The following FAM53A variants were observed in gnomAD, a reference collection of about 807,000 sequenced individuals.
FAM53A encodes the protein protein FAM53A.
In FAM53A, 28 loss-of-function variants were observed where a neutral mutation model predicts 26.6. That is an observed-to-expected ratio of 1.05 (90% CI 0.78 to 1.45). FAM53A has a LOEUF of 1.45. Ranked by LOEUF, FAM53A falls within the 40% of genes most tolerant of loss-of-function variation. The pLI is 0.00. For synonymous variants in FAM53A, 290 were observed against 253.1 expected, an observed-to-expected ratio of 1.15 and a Z score of -1.38; for missense variants, 650 against 575.8, an observed-to-expected ratio of 1.13 and a Z score of -1.32.
At chr4:1,590,993 T>TATAC in the FAM53A span, among the ~76,000 whole-genome samples, 1 of 132,670 alleles carries the variant, frequency 7.5e-6, no homozygotes, top group African/African-American at 3.0e-5. Flanking sequence ...TATATATATA[T>TATAC]ATATATATAA....
chr4:1,621,101 C>CTTTTTTTTTTTT lies in FAM53A; in HGVS notation c.432-3002_432-2991dup, dbSNP rs574102929. On this transcript the variant is annotated intron_variant, in intron 1 of 1. Transcript: ENST00000489029. ...TTTCCTAGCTGAGTCAGCTACGCTACTTTTTTTTTTTTTTTTTTTTTGAGA... is the reference window on the plus strand; with the variant it reads ...TTTCCTAGCTGAGTCAGCTACGCTACTTTTTTTTTTTTTTTTTTTTTTTTTTTTTTTTTGAGA... Among the ~76,000 whole-genome samples, 730 of 95,442 alleles carry CTTTTTTTTTTTT rather than the reference C, an allele frequency of 7.6e-3. 59 individuals carry two copies. The highest frequency in any genetic ancestry group is 0.014 in the East Asian group (44 of 3,154). The allele number at this position is 95,442 out of a possible 152,430, so 62.6% of individuals were successfully genotyped here.
intron 2 of FAM53A, 45 bp downstream of exon 2, chr4:1,668,622 C>A: frequency 1.2e-6 from 2 of 1,609,842 alleles, no homozygotes; most frequent in Non-Finnish European, 1.7e-6. Context: ...CCTGTGACAG[C>A]ACGGGGGAGG....
At chr4:1,595,932 G>T in the FAM53A span, among the ~76,000 whole-genome samples, 1 of 152,224 alleles carries the variant, frequency 6.6e-6, no homozygotes, top group East Asian at 1.9e-4. Context: ...CACAGGACCG[G>T]GTGTGACCCC....
At chr4:1,623,737 C>A (rs934167172) in intron 1 of FAM53A, among the ~76,000 whole-genome samples, 2 of 152,250 alleles carry the variant, frequency 1.3e-5, no homozygotes, top group South Asian at 2.1e-4. Context: ...CGCCGCGGAT[C>A]GGACGTTACC....
intron 2 of FAM53A, among the ~76,000 whole-genome samples, chr4:1,658,406 G>A (rs1026905716): frequency 1.3e-5 from 2 of 152,256 alleles, no homozygotes; most frequent in East Asian, 1.9e-4. Flanking sequence ...AGCCTCAGCT[G>A]CAGCCGTCTT....
intron 1 of FAM53A, among the ~76,000 whole-genome samples, chr4:1,675,943 C>T (rs1466779785): frequency 6.6e-6 from 1 of 152,238 alleles, no homozygotes; most frequent in Non-Finnish European, 1.5e-5. Flanking sequence ...CTCAGATGGC[C>T]GCCTCACGGG....
downstream of FAM53A, among the ~76,000 whole-genome samples, chr4:1,615,179 G>C (rs60724026): frequency 7.4e-6 from 1 of 135,404 alleles, no homozygotes; most frequent in Non-Finnish European, 1.6e-5. Context: ...ATGCGGCTAC[G>C]CCCACCCTAC....
At chr4:1,617,934 C>T in exon 2 of FAM53A, 1 of 419,286 alleles carries the variant, frequency 2.4e-6, no homozygotes. Flanking sequence ...GCAGCAACTC[C>T]TTCACCAAGA....
downstream of FAM53A, among the ~76,000 whole-genome samples, chr4:1,635,600 T>C (rs763218545): frequency 6.6e-6 from 1 of 152,114 alleles, no homozygotes; most frequent in African/African-American, 2.4e-5. Context: ...TTTCTTCTAA[T>C]ACAGTCACTG....
At chr4:1,672,670 C>T (rs892813103) in intron 1 of FAM53A, among the ~76,000 whole-genome samples, 1 of 151,730 alleles carries the variant, frequency 6.6e-6, no homozygotes, top group African/African-American at 2.4e-5. Context: ...CAGGTTTGCC[C>T]GGAAGGCACC....
At chr4:1,625,757 GCC>G (rs1560111702) in intron 1 of FAM53A, among the ~76,000 whole-genome samples, 1 of 115,598 alleles carries the variant, frequency 8.7e-6, no homozygotes, top group African/African-American at 3.7e-5. Flanking sequence ...CCACGTCCCG[GCC>G]CACATGGTCA....
chr4:1,652,951 CCA>C (rs890301090), intron 4 of FAM53A, among the ~76,000 whole-genome samples: 3 of 150,248 alleles, frequency 2.0e-5, no homozygotes, highest in African/African-American at 2.5e-5. Flanking sequence ...CACACACATA[CCA>C]CACAGACCAC....
chr4:1,575,239 C>T, the FAM53A span, among the ~76,000 whole-genome samples: 2 of 152,218 alleles, frequency 1.3e-5, no homozygotes, highest in Non-Finnish European at 2.9e-5. Context: ...CAGGAGAAAG[C>T]GCAGCCACAG....
At chr4:1,592,807 G>A in the FAM53A span, among the ~76,000 whole-genome samples, 1 of 152,124 alleles carries the variant, frequency 6.6e-6, no homozygotes, top group African/African-American at 2.4e-5. Context: ...GGCGGCCGCG[G>A]GGGCGCCTGA....
At chr4:1,646,194 G>A (rs575000922) in intron 4 of FAM53A, among the ~76,000 whole-genome samples, 21 of 151,990 alleles carry the variant, frequency 1.4e-4, no homozygotes, top group South Asian at 1.2e-3. Context: ...TCCGCCTCCC[G>A]GGTTCAGGCC....
the FAM53A span, among the ~76,000 whole-genome samples, chr4:1,582,940 G>C: frequency 6.6e-6 from 1 of 152,334 alleles, no homozygotes; most frequent in East Asian, 1.9e-4. Flanking sequence ...CAGATGAAGG[G>C]ATCAGCCTGG....
the FAM53A span, chr4:1,580,220 G>A: frequency 6.6e-6 from 1 of 152,212 alleles, no homozygotes; most frequent in Admixed American, 6.5e-5. Context: ...CGTCGATGAT[G>A]GAGTGCGAGC....
At chr4:1,574,362 G>C in the FAM53A span, 7 of 152,524 alleles carry the variant, frequency 4.6e-5, no homozygotes, top group African/African-American at 7.2e-5. Context: ...GCTGGTCTTG[G>C]GGGTTGTCTC....
the FAM53A span, among the ~76,000 whole-genome samples, chr4:1,581,251 C>T: frequency 6.6e-6 from 1 of 150,694 alleles, no homozygotes; most frequent in African/African-American, 2.4e-5. Context: ...CCACTCAGGG[C>T]CCCGCTTCCC....
Sources: allele counts gnomAD v4.1 joint callset (sites outside exome capture counted in the v4.1 genomes callset), GRCh38; gene constraint gnomAD v4.1.1; transcripts MANE v1.5; gene names NCBI Gene and HGNC (gene_info 2026-07-23, HGNC 2026-07-21).